Variants in SLC4A11 observed in about 807,000 individuals in gnomAD.
The protein encoded by SLC4A11 is solute carrier family 4 member 11.
Under a neutral mutation model 95.0 loss-of-function variants are expected in SLC4A11, and 74 were observed. That is an observed-to-expected ratio of 0.78 (90% CI 0.65 to 0.95). The LOEUF (loss-of-function observed/expected upper bound fraction) is 0.95. SLC4A11 is among the 40% of genes least tolerant of loss of function. The probability of loss-of-function intolerance (pLI) is 0.00; values close to 1 mark genes in which losing one functional copy is unlikely to be tolerated. For synonymous variants in SLC4A11, 548 were observed against 519.0 expected, an observed-to-expected ratio of 1.06 and a Z score of -0.76; for missense variants, 1,081 against 1,192.4, an observed-to-expected ratio of 0.91 and a Z score of 1.38.
chr20:3,239,121 C>G lies in SLC4A11; in HGVS notation c.17G>C (p.Arg6Thr). Residue 6 changes from arginine (R) to threonine (T), a missense_variant, in exon 1 of 20, where the codon AGG becomes ACG. Physicochemically the swap from Arg to Thr is moderately conservative, Grantham distance 71 (BLOSUM62 -1). Around this residue, in one of 3 missense-constraint regions of SLC4A11, gnomAD observed 310 missense variants for 313.5 expected, o/e 0.99. Coordinates refer to ENST00000642402, the MANE Select transcript of SLC4A11 (RefSeq NM_001174089.2). The stretch of plus-strand genomic sequence containing the variant: ...GCACGGCTGCAGATGGAACACGCGC[C>G]TGGTGGCCGCGGCCATGGCACACTC... MAAAT[R>T]RVFHLQPCEN... The G allele has an allele frequency of 6.8e-7, 1 of 1,477,432 alleles. No homozygotes were observed. The highest frequency in any genetic ancestry group is 8.9e-7 in the Non-Finnish European group (1 of 1,118,818). 91.5% of individuals were successfully genotyped at this position (1,477,432 alleles called of 1,614,324 possible).
rs747177405 is a variant in SLC4A11, at chr20:3,231,531, C to T, written c.747G>A (p.Ala249=). 3.7e-6 allele frequency: 6 copies of T among 1,613,794 alleles called. No individual in the cohort carries two copies. The East Asian group carries it at 6.7e-5, about 18-fold the overall frequency. The part of the protein sequence containing the change: ...APPKMKSTKT[A]MEVARTFATM... ...TGGCAAACGTGCGCGCCACCTCCAT[C>T]GCAGTCTTAGTGCTTTTCTAGGGGT... Residue 249 remains alanine, a synonymous_variant, in exon 8 of 20, where the codon GCG becomes GCA. Transcript: ENST00000642402. The surrounding 1 kb of genome is among the most constrained non-coding windows in gnomAD (Gnocchi z 5.2).
chr20:3,233,248 G>T (rs192499644), intron 7 of SLC4A11, among the ~76,000 whole-genome samples: 1 of 152,196 alleles, frequency 6.6e-6, no homozygotes, highest in Non-Finnish European at 1.5e-5. Context: ...GGGCGGGCAG[G>T]CCAGAGAAGG....
chr20:3,231,681 G>T lies in SLC4A11; in HGVS notation c.730-133C>A. 2 of 795,294 alleles carry T rather than the reference G, an allele frequency of 2.5e-6. No homozygotes were observed. Among genetic ancestry groups the T allele is most frequent in the Non-Finnish European group, 4.1e-6 (2 of 482,422 alleles). The allele number at this position is 795,294 out of a possible 1,614,324, so 49.3% of individuals were successfully genotyped here. On this transcript the variant is annotated intron_variant, in intron 7 of 19. Coordinates refer to ENST00000642402, the MANE Select transcript of SLC4A11 (RefSeq NM_001174089.2). The surrounding 1 kb of genome is among the most constrained non-coding windows in gnomAD (Gnocchi z 5.2). ...TGTTTTTTGTGTTTTTTTGAGACAG[G>T]GTCTCACTGTCACCCAGGCTGAGTG... is the stretch of plus-strand genomic sequence containing the variant.
In SLC4A11 at chr20:3,229,118, G is replaced by C; in HGVS notation, c.1995C>G (p.Ala665=). 1 of 1,377,010 alleles carries C rather than the reference G, an allele frequency of 7.3e-7. No individual in the cohort carries two copies. The highest frequency in any genetic ancestry group is 9.6e-7 in the Non-Finnish European group (1 of 1,042,146). The allele number at this position is 1,377,010 out of a possible 1,614,324, so 85.3% of individuals were successfully genotyped here. A position where few individuals can be genotyped will look rare whatever the true frequency, so the allele number is the denominator to read the frequency against. Residue 665 remains alanine, a synonymous_variant, in exon 16 of 20, where the codon GCC becomes GCG. Coordinates refer to ENST00000642402, the MANE Select transcript of SLC4A11 (RefSeq NM_001174089.2). ...LFFIEQNLVA[A]LVNAPENRLV... is the part of the protein sequence containing the mutation. ...ACCTGTTCTCCGGTGCATTCACCAA[G>C]GCGGCCACCAAGTTCTGCTCGATGA...
intron 13 of SLC4A11, 111 bp from the exon 14 acceptor site, chr20:3,229,887 C>A: frequency 6.8e-7 from 1 of 1,465,930 alleles, no homozygotes. Flanking sequence ...TGAGGGGACC[C>A]TGCCGACGTG....
Position 3,228,831 on chromosome 20 carries a change from C to T in SLC4A11, c.2192+7G>A. 6.2e-7 allele frequency: 1 copy of T among 1,613,754 alleles called. No individual in the cohort carries two copies. Among genetic ancestry groups the T allele is most frequent in the Non-Finnish European group, 8.5e-7 (1 of 1,180,026 alleles). ...GGGTCCACGGCTCTTGCCAGCCTCA[C>T]ACTCACGTGTCATAGATGTGTCCGT... On this transcript the variant is annotated splice_region_variant and intron_variant, in intron 17 of 19. Coordinates refer to ENST00000642402, the MANE Select transcript of SLC4A11 (RefSeq NM_001174089.2).
rs139151749 is a variant in SLC4A11, at chr20:3,228,901, G to A, written c.2129C>T (p.Pro710Leu). ...TAAGGCCAGGGCTCGCACGTGCAGC[G>A]GGGAGTGGGGGTAGGCGGCATGGAT... ...PWIHAAYPHS[P>L]LHVRALALVE... Residue 710 changes from proline (P) to leucine (L), a missense_variant, in exon 17 of 20, where the codon CCG becomes CTG. Coordinates refer to ENST00000642402, the MANE Select transcript of SLC4A11 (RefSeq NM_001174089.2). 1.9e-5 allele frequency: 31 copies of A among 1,613,832 alleles called. No individual in the cohort carries two copies. The highest frequency in any genetic ancestry group is 4.5e-5 in the East Asian group (2 of 44,884).
At position 3,234,403 on chromosome 20, in the gene SLC4A11, TCCAGCCCCCAGCCC is replaced by T. The variant is rs3842433; in HGVS notation, c.292-103_292-90del. 1.1e-3 allele frequency: 1,504 copies of T among 1,339,018 alleles called. 8 individuals carry two copies. The African/African-American group carries it at 0.018, about 16-fold the overall frequency. 82.9% of individuals were successfully genotyped at this position (1,339,018 alleles called of 1,614,324 possible). On this transcript the variant is annotated intron_variant, in intron 4 of 19. Coordinates refer to ENST00000642402, the MANE Select transcript of SLC4A11 (RefSeq NM_001174089.2). This position sits in a 1 kb window ranked among gnomAD's most constrained non-coding sequence, Gnocchi z 5.8. ...CCTCCCTCCCAGCCAGCCGCAGCAGTCCAGCCCCCAGCCCCCAGCCCCCAGCCCTGGGCTGGTGC... is the reference window on the plus strand; with the variant it reads ...CCTCCCTCCCAGCCAGCCGCAGCAGTCCAGCCCCCAGCCCTGGGCTGGTGC...
chr20:3,238,870 A>T, intron 1 of SLC4A11: 1 of 1,227,460 alleles, frequency 8.1e-7, no homozygotes, highest in Non-Finnish European at 1.0e-6. Context: ...AGACGGCGAC[A>T]GCAGAGCCCT....
At position 3,234,195 on chromosome 20, in the gene SLC4A11, C is replaced by G; in HGVS notation, c.411G>C (p.Arg137=). Reference sequence around the variant, plus strand: ...CCCTGGCGAAGCGGCGAAGCATGGTCCGCAGCACGTTATCCAGGGAGGTGG... The same window carrying G: ...CCCTGGCGAAGCGGCGAAGCATGGTGCGCAGCACGTTATCCAGGGAGGTGG... The part of the protein sequence containing the change: ...ETATSLDNVL[R]TMLRRFARDP... Residue 137 remains arginine (R), a synonymous_variant, in exon 5 of 20, where the codon CGG becomes CGC. Transcript: ENST00000642402. This position sits in a 1 kb window ranked among gnomAD's most constrained non-coding sequence, Gnocchi z 5.8. 6.2e-7 allele frequency: 1 copy of G among 1,614,110 alleles called. No individual in the cohort carries two copies. Among genetic ancestry groups the G allele is most frequent in the Non-Finnish European group, 8.5e-7 (1 of 1,180,030 alleles).
chr20:3,230,232 T>C lies in SLC4A11; in HGVS notation c.1444A>G (p.Ile482Val). The C allele has an allele frequency of 6.2e-7, 1 of 1,613,550 alleles. No individual in the cohort carries two copies. The highest frequency in any genetic ancestry group is 8.5e-7 in the Non-Finnish European group (1 of 1,180,006). Residue 482 changes from isoleucine to valine, a missense_variant, in exon 13 of 20, where the codon ATT (isoleucine) becomes GTT (valine). Around this residue, in one of 3 missense-constraint regions of SLC4A11, gnomAD observed 767 missense variants for 858.0 expected, o/e 0.89. Coordinates refer to ENST00000642402, the MANE Select transcript of SLC4A11 (RefSeq NM_001174089.2). ...RSTEEIIALF[I>V]SITFVLDAVK... Reference sequence around the variant, plus strand: ...GCATCCAGCACAAACGTGATGGAAATGAAGAGGGCGATGATCTCCTCCGTC... The same window carrying C: ...GCATCCAGCACAAACGTGATGGAAACGAAGAGGGCGATGATCTCCTCCGTC...
At chr20:3,238,154 G>A (rs1341150770) in intron 1 of SLC4A11, 24 of 1,443,250 alleles carry the variant, frequency 1.7e-5, no homozygotes, top group Admixed American at 2.9e-5. Context: ...ACCGCGTCCC[G>A]GCCGCCTGGA....
At chr20:3,238,187 G>C (rs2068048587) in intron 1 of SLC4A11, 2 of 1,433,446 alleles carry the variant, frequency 1.4e-6, no homozygotes, top group Non-Finnish European at 1.8e-6. Context: ...TGGTCCAAAA[G>C]GGAGAACAAT....
At chr20:3,233,761 G>C in intron 6 of SLC4A11, 124 bp from the exon 7 acceptor site, 1 of 1,537,692 alleles carries the variant, frequency 6.5e-7, no homozygotes, top group Non-Finnish European at 8.9e-7. Context: ...AAGAGCAAAT[G>C]GGACGTTCCT....
Position 3,229,274 on chromosome 20 carries a change from G to T in SLC4A11, c.1850-11C>A. 6.2e-7 allele frequency: 1 copy of T among 1,612,990 alleles called. No individual in the cohort carries two copies. The highest frequency in any genetic ancestry group is 8.5e-7 in the Non-Finnish European group (1 of 1,179,954). On this transcript the variant is annotated splice_polypyrimidine_tract_variant and intron_variant, in intron 15 of 19. Transcript: ENST00000642402. The stretch of plus-strand genomic sequence containing the variant: ...AGCGGAACTTGCTCACTGCAGTAGG[G>T]GACAGGCTACTGCTATGCCTGCAGC...
At position 3,230,652 on chromosome 20, in the gene SLC4A11, AGGCAGGGGGCAGGGCGGGTCAGGGCCC is replaced by A; in HGVS notation, c.1283-32_1283-6del. The A allele has an allele frequency of 6.2e-7, 1 of 1,613,234 alleles. No individual in the cohort carries two copies. Among genetic ancestry groups the A allele is most frequent in the Non-Finnish European group, 8.5e-7 (1 of 1,179,940 alleles). On this transcript the variant is annotated splice_region_variant and splice_polypyrimidine_tract_variant and intron_variant, in intron 11 of 19. Transcript: ENST00000642402. ...CATCACAGATGACACGAATCACTGC[AGGCAGGGGGCAGGGCGGGTCAGGGCCC>A]GGCAGGAACCAGGGGTCTCAGGCAC...
At chr20:3,238,235 G>T in intron 1 of SLC4A11, 1 of 1,367,438 alleles carries the variant, frequency 7.3e-7, no homozygotes, top group South Asian at 2.0e-5. Context: ...ACATGGGTCG[G>T]GGGAGGCTGC....
At chr20:3,238,232 T>G (rs1298827733) in intron 1 of SLC4A11, 3 of 1,347,132 alleles carry the variant, frequency 2.2e-6, no homozygotes, top group Non-Finnish European at 2.8e-6. Context: ...GACACATGGG[T>G]CGGGGGAGGC....
rs149016022 is a variant in SLC4A11 at position 3,234,091 on chromosome 20, C to G, written c.515G>C (p.Arg172Pro). The G allele has an allele frequency of 1.4e-4, 232 of 1,613,946 alleles. No homozygotes were observed. The highest frequency in any genetic ancestry group is 1.8e-4 in the Non-Finnish European group (213 of 1,180,006). The change falls in exon 5 of 20, where the codon CGG (arginine) becomes CCG (proline). Residue 172 changes from arginine to proline, a missense_variant. Coordinates refer to ENST00000642402, the MANE Select transcript of SLC4A11 (RefSeq NM_001174089.2). This position sits in a 1 kb window ranked among gnomAD's most constrained non-coding sequence, Gnocchi z 5.8. ...CGGGAGACCGGCCTCACCTTTACCCCGCATGGGTGCCCCGGCATCGGTGAA... is the reference window on the plus strand; with the variant it reads ...CGGGAGACCGGCCTCACCTTTACCCGGCATGGGTGCCCCGGCATCGGTGAA... ...MLFTDAGAPM[R>P]GKVHLLSDTI...
Sources: gnomAD v4.1 joint callset for allele counts (sites outside exome capture counted in the v4.1 genomes callset) on GRCh38, gnomAD v4.1.1 for gene constraint, gnomAD v4.1.1 regional missense constraint, Gnocchi (gnomAD v3.1) non-coding constraint, MANE v1.5 for transcripts, NCBI Gene and HGNC (gene_info 2026-07-23, HGNC 2026-07-21) for gene names.